The following ARHGAP40 variants were observed in gnomAD, a reference collection of about 807,000 sequenced individuals.
ARHGAP40 encodes the protein Rho GTPase activating protein 40.
In ARHGAP40, 43 loss-of-function variants were observed where a neutral mutation model predicts 73.5. That is an observed-to-expected ratio of 0.58 (90% CI 0.46 to 0.75). The LOEUF (loss-of-function observed/expected upper bound fraction) is 0.75. Ranked by LOEUF, ARHGAP40 falls within the 30% of genes least tolerant of loss-of-function variation. The pLI, the probability that ARHGAP40 is intolerant of heterozygous loss-of-function variation, is 0.00. For synonymous variants in ARHGAP40, 300 were observed against 352.8 expected, an observed-to-expected ratio of 0.85 and a Z score of 1.68; for missense variants, 734 against 861.8, an observed-to-expected ratio of 0.85 and a Z score of 1.86.
intron 2 of ARHGAP40, among the ~76,000 whole-genome samples, chr20:38,624,649 G>T (rs201062498): frequency 6.2e-5 from 1 of 16,148 alleles, no homozygotes; most frequent in Non-Finnish European, 1.0e-4. Flanking sequence ...CAAGTCCTTT[G>T]GTTCTCTCTG....
At chr20:38,628,465 C>T (rs1011001837) in intron 3 of ARHGAP40, among the ~76,000 whole-genome samples, 6 of 152,210 alleles carry the variant, frequency 3.9e-5, no homozygotes, top group South Asian at 2.1e-4. Flanking sequence ...CCACCATGCC[C>T]GGCTAATTTT....
intron 3 of ARHGAP40, among the ~76,000 whole-genome samples, chr20:38,627,621 G>GTGTT (rs113196336): frequency 1.4e-5 from 2 of 139,252 alleles, no homozygotes; most frequent in East Asian, 2.1e-4. Context: ...GTGTGTTGGT[G>GTGTT]TGTGTGTGTT....
At position 38,646,918 on chromosome 20, in the gene ARHGAP40, C is replaced by T; in HGVS notation, c.1711-39C>T. ...CACGTTGGAACTCCAGGCAAGCTGACTCTTATGTATATGGATCTTTCTCTC... is the reference window on the plus strand; with the variant it reads ...CACGTTGGAACTCCAGGCAAGCTGATTCTTATGTATATGGATCTTTCTCTC... On this transcript the variant is annotated intron_variant, in intron 12 of 14. Transcript: ENST00000373345. The surrounding 1 kb of genome is among the most constrained non-coding windows in gnomAD (Gnocchi z 4.5). The T allele has an allele frequency of 1.6e-6, 2 of 1,283,042 alleles. No individual in the cohort carries two copies. The highest frequency in any genetic ancestry group is 2.0e-6 in the Non-Finnish European group (2 of 975,702). 79.5% of individuals were successfully genotyped at this position (1,283,042 alleles called of 1,614,324 possible). A position where few individuals can be genotyped will look rare whatever the true frequency, so the allele number is the denominator to read the frequency against.
At chr20:38,635,637 T>C (rs1382250806) in intron 6 of ARHGAP40, among the ~76,000 whole-genome samples, 2 of 152,196 alleles carry the variant, frequency 1.3e-5, no homozygotes, top group Non-Finnish European at 2.9e-5. Context: ...CACTCCAGCC[T>C]GGGTGACAGA....
At chr20:38,614,188 G>A (rs534769872) in intron 1 of ARHGAP40, among the ~76,000 whole-genome samples, 1 of 152,278 alleles carries the variant, frequency 6.6e-6, no homozygotes, top group African/African-American at 2.4e-5. Context: ...TGAGTGATAT[G>A]GGTAGGCATG....
Position 38,611,112 on chromosome 20 carries a change from A to G in ARHGAP40, c.137+9033A>G, listed in dbSNP as rs555936966. ...ACCATGTTGGCCAGGCTAGTCTCGA[A>G]CTCCTGGTCTCAAGTGATTCACCTG... On this transcript the variant is annotated intron_variant, in intron 1 of 14. Coordinates refer to ENST00000373345, the Ensembl canonical transcript of ARHGAP40. 7.6e-4 allele frequency among the ~76,000 whole-genome samples: 115 copies of G among 151,534 alleles called. 1 individual carries two copies. The highest frequency in any genetic ancestry group is 1.2e-3 in the East Asian group (6 of 5,160).
chr20:38,622,111 T>TA lies in ARHGAP40; in HGVS notation c.138-1248_138-1247insA, dbSNP rs1344173531. Among the ~76,000 whole-genome samples the TA allele has an allele frequency of 6.6e-4, 97 of 147,216 alleles. 1 individual carries two copies. The highest frequency in any genetic ancestry group is 3.9e-4 in the Non-Finnish European group (26 of 66,652). ...AACAGAAAAGCACATATATATATAT[T>TA]TTTTTTTTAAAAAGGCAGCATGTGG... On this transcript the variant is annotated intron_variant, in intron 1 of 14. Transcript: ENST00000373345.
chr20:38,644,022 C>A, intron 11 of ARHGAP40, 112 bp downstream of exon 11: 1 of 957,880 alleles, frequency 1.0e-6, no homozygotes, highest in Non-Finnish European at 1.4e-6. Context: ...CCTTCCAGGA[C>A]CTTTGTTGGC....
intron 9 of ARHGAP40, among the ~76,000 whole-genome samples, chr20:38,641,242 T>C (rs979321988): frequency 2.0e-5 from 3 of 152,192 alleles, no homozygotes; most frequent in African/African-American, 7.2e-5. Flanking sequence ...GATGAACTCC[T>C]TCTTTGAATC....
At chr20:38,612,965 C>A (rs1239575438) in intron 1 of ARHGAP40, among the ~76,000 whole-genome samples, 1 of 152,248 alleles carries the variant, frequency 6.6e-6, no homozygotes, top group Non-Finnish European at 1.5e-5. Flanking sequence ...CACCACAGGG[C>A]TGCGCTGCTG....
rs974759240 is a variant in ARHGAP40 at position 38,643,720 on chromosome 20, T to C, written c.1379T>C (p.Leu460Pro). ...CTTCCCTAGGCACTGCTGGAATTCC[T>C]CAGGAAGGTGGTGGCCCGGGAACAG... Residue 460 changes from leucine to proline, a missense_variant, in exon 11 of 15, where the codon CTC (leucine) becomes CCC (proline). Leu to Pro is a moderately conservative substitution (Grantham distance 98, BLOSUM62 -3). Transcript: ENST00000373345. The C allele has an allele frequency of 4.1e-5, 54 of 1,305,684 alleles. No individual in the cohort carries two copies. The East Asian group carries it at 2.7e-3, about 64-fold the overall frequency. The allele number at this position is 1,305,684 out of a possible 1,614,324, so 80.9% of individuals were successfully genotyped here.
chr20:38,638,301 A>G (rs1365192409), intron 7 of ARHGAP40, among the ~76,000 whole-genome samples: 1 of 152,084 alleles, frequency 6.6e-6, no homozygotes, highest in African/African-American at 2.4e-5. Flanking sequence ...GGCAACAGAG[A>G]GAGACTCTCT....
intron 7 of ARHGAP40, 97 bp from the exon 8 acceptor site, chr20:38,638,664 C>G (rs558926554): frequency 1.1e-6 from 1 of 877,254 alleles, no homozygotes; most frequent in South Asian, 1.4e-5. Flanking sequence ...TCTCCTGGTA[C>G]TCCCCTCTTT....
exon 15 of ARHGAP40, chr20:38,650,494 T>C (rs2089083288): frequency 4.3e-6 from 2 of 469,936 alleles, no homozygotes; most frequent in East Asian, 1.4e-4. Context: ...AAGCCAAGAT[T>C]GTAGCCATGA....
intron 1 of ARHGAP40, among the ~76,000 whole-genome samples, chr20:38,617,733 C>T (rs1040302477): frequency 2.6e-5 from 4 of 152,336 alleles, no homozygotes; most frequent in Non-Finnish European, 5.9e-5. Flanking sequence ...AGGACAGGAA[C>T]TAGAGGCCAC....
In ARHGAP40 at chr20:38,632,687, G is replaced by T. The variant is rs535780083; in HGVS notation, c.784-1933G>T. Among the ~76,000 whole-genome samples the T allele has an allele frequency of 1.3e-5, 2 of 152,156 alleles. 1 individual carries two copies. The highest frequency in any genetic ancestry group is 4.2e-4 in the South Asian group (2 of 4,808). On this transcript the variant is annotated intron_variant, in intron 5 of 14. Coordinates refer to ENST00000373345, the Ensembl canonical transcript of ARHGAP40. The stretch of plus-strand genomic sequence containing the variant: ...ATGAATGATGATAATAATTAATCAC[G>T]CTAAAGGGCCAGGCATGGTGGCGCA...
At chr20:38,610,206 C>A (rs1308094462) in intron 1 of ARHGAP40, among the ~76,000 whole-genome samples, 1 of 152,070 alleles carries the variant, frequency 6.6e-6, no homozygotes, top group Non-Finnish European at 1.5e-5. Context: ...GAGAGAGGAT[C>A]CACAACTTAC....
rs6092810 is a variant in ARHGAP40 at position 38,648,626 on chromosome 20, C to T, written c.1881-17C>T. 0.036 allele frequency: 46,303 copies of T among 1,288,492 alleles called. 1,183 individuals are homozygous for T. The highest frequency in any genetic ancestry group is 0.11 in the African/African-American group (7,044 of 64,256). The allele number at this position is 1,288,492 out of a possible 1,614,324, so 79.8% of individuals were successfully genotyped here. On this transcript the variant is annotated splice_polypyrimidine_tract_variant and intron_variant, in intron 13 of 14. Transcript: ENST00000373345. ...AAAAAGGCAGTAGTTTTTTTTTTCT[C>T]TCTCTCTGTTTTACAGCCATAGGTC...
chr20:38,607,146 T>G (rs889636144), intron 1 of ARHGAP40, among the ~76,000 whole-genome samples: 1 of 152,220 alleles, frequency 6.6e-6, no homozygotes, highest in Non-Finnish European at 1.5e-5. Flanking sequence ...TGGAGCTGAC[T>G]CCAAATAGCA....
Sources: gnomAD v4.1 joint callset for allele counts (sites outside exome capture counted in the v4.1 genomes callset) on GRCh38, gnomAD v4.1.1 for gene constraint, Gnocchi (gnomAD v3.1) non-coding constraint, MANE v1.5 for transcripts, NCBI Gene and HGNC (gene_info 2026-07-23, HGNC 2026-07-21) for gene names.